ENAH: variants seen among roughly 807,000 people sequenced by gnomAD.
ENAH encodes protein enabled homolog.
Under a neutral mutation model 78.7 loss-of-function variants are expected in ENAH, and 23 were observed. The observed-to-expected ratio is 0.29, with a 90% CI of 0.21 to 0.41. ENAH has a LOEUF of 0.41. Ranked by LOEUF, ENAH falls within the 10% of genes least tolerant of loss-of-function variation. ENAH has a pLI of 1.00. For synonymous variants in ENAH, 226 were observed against 241.0 expected (o/e 0.94, Z 0.58); for missense variants, 544 against 691.0 (o/e 0.79, Z 2.39).
At chr1:225,536,370 A>G (rs2096561475) in intron 3 of ENAH, among the ~76,000 whole-genome samples, 1 of 151,950 alleles carries the variant, frequency 6.6e-6, no homozygotes, top group Non-Finnish European at 1.5e-5. Flanking sequence ...CTCAAAATTG[A>G]GATGAGACAA....
At chr1:225,543,115 C>T (rs934931868) in intron 3 of ENAH, among the ~76,000 whole-genome samples, 6 of 152,134 alleles carry the variant, frequency 3.9e-5, no homozygotes, top group East Asian at 1.9e-4. Flanking sequence ...CAAAAACCCA[C>T]TCTACCATCT....
chr1:225,592,715 T>C (rs536835741), intron 1 of ENAH, among the ~76,000 whole-genome samples: 8 of 152,334 alleles, frequency 5.3e-5, no homozygotes, highest in African/African-American at 1.9e-4. Flanking sequence ...TGCTTAAATA[T>C]AACAACTTGA....
intron 1 of ENAH, among the ~76,000 whole-genome samples, chr1:225,581,564 G>A (rs927032638): frequency 6.6e-6 from 1 of 152,094 alleles, no homozygotes; most frequent in Non-Finnish European, 1.5e-5. Context: ...AAAAACTAAA[G>A]CAGAATACTA....
chr1:225,537,349 A>G (rs1409388839), intron 3 of ENAH, among the ~76,000 whole-genome samples: 1 of 152,194 alleles, frequency 6.6e-6, no homozygotes, highest in Non-Finnish European at 1.5e-5. Flanking sequence ...AACTATTAAC[A>G]TTCTTCACTT....
Position 225,610,865 on chromosome 1 carries a change from C to T in ENAH, c.5+41821G>A, listed in dbSNP as rs182258079. 2.0e-5 allele frequency among the ~76,000 whole-genome samples: 3 copies of T among 152,268 alleles called. No individual in the cohort carries two copies. In the East Asian group the frequency reaches 5.8e-4, roughly 29 times the overall value. Reference sequence around the variant, plus strand: ...ACGACATTATAAGATCCAAAAACTGCAACCAATCCAAATGTCCATCAACCT... The same window carrying T: ...ACGACATTATAAGATCCAAAAACTGTAACCAATCCAAATGTCCATCAACCT... On this transcript the variant is annotated intron_variant, in intron 1 of 13. Transcript: ENST00000366843.
chr1:225,606,608 G>A (rs553496044), intron 1 of ENAH, among the ~76,000 whole-genome samples: 1 of 151,992 alleles, frequency 6.6e-6, no homozygotes, highest in South Asian at 2.1e-4. Context: ...AACACTTTGG[G>A]AGGCCAAGGC....
At chr1:225,555,618 AT>A (rs2096662848) in intron 2 of ENAH, among the ~76,000 whole-genome samples, 1 of 152,010 alleles carries the variant, frequency 6.6e-6, no homozygotes, top group Non-Finnish European at 1.5e-5. Flanking sequence ...ACAAAAAAAA[AT>A]TTTCCTCATT....
intron 1 of ENAH, chr1:225,652,285 G>C (rs1663164502): frequency 1.0e-6 from 1 of 960,246 alleles, no homozygotes; most frequent in Admixed American, 6.2e-5. Flanking sequence ...AGGCAAAAGT[G>C]CATGAAATTT....
intron 4 of ENAH, among the ~76,000 whole-genome samples, chr1:225,526,466 G>A (rs921435204): frequency 1.3e-5 from 2 of 151,826 alleles, no homozygotes; most frequent in South Asian, 4.1e-4. Flanking sequence ...AGCCTCTCAA[G>A]TAGCTGGAAC....
At chr1:225,549,911 A>AT (rs1195393968) in intron 3 of ENAH, among the ~76,000 whole-genome samples, 1 of 152,128 alleles carries the variant, frequency 6.6e-6, no homozygotes, top group Non-Finnish European at 1.5e-5. Context: ...ATTGATCTTC[A>AT]TGCTTGTAAA....
rs1293321679 is a variant in ENAH at position 225,573,513 on chromosome 1, T to C, written c.6-6099A>G. Among the ~76,000 whole-genome samples, 3 of 152,228 alleles carry C rather than the reference T, an allele frequency of 2.0e-5. No individual in the cohort carries two copies. In the East Asian group the frequency reaches 5.8e-4, roughly 29 times the overall value. ...CTCCAAGTGTATACTGGGAAGCCAC[T>C]GAAGGGCTTTAAGCAGAACACGGCC... On this transcript the variant is annotated intron_variant, in intron 1 of 13. Transcript: ENST00000366843.
intron 3 of ENAH, among the ~76,000 whole-genome samples, chr1:225,539,801 T>A (rs2096580608): frequency 6.6e-6 from 1 of 152,220 alleles, no homozygotes; most frequent in Non-Finnish European, 1.5e-5. Context: ...GCATGTGCCT[T>A]CTACTTCTAA....
chr1:225,583,433 CAAAAAAA>C (rs67324652), intron 1 of ENAH, among the ~76,000 whole-genome samples: 2 of 100,548 alleles, frequency 2.0e-5, no homozygotes, highest in East Asian at 5.8e-4. Context: ...GACCCTGTAT[CAAAAAAA>C]AAAAAAAAAA....
chr1:225,523,277 T>G (rs868550233), intron 4 of ENAH, among the ~76,000 whole-genome samples: 1 of 151,634 alleles, frequency 6.6e-6, no homozygotes, highest in Non-Finnish European at 1.5e-5. Flanking sequence ...AGCAATACAA[T>G]GCTTTTAACA....
chr1:225,494,580 AG>A lies in ENAH; in HGVS notation c.*3194del, dbSNP rs1449294934. ...AGGTGGGCAGAGAGAAAATAAGAAGAGGGAACACCCAACAGTTATTTCAAAC... is the reference window on the plus strand; with the variant it reads ...AGGTGGGCAGAGAGAAAATAAGAAGAGGAACACCCAACAGTTATTTCAAAC... On this transcript the variant is annotated 3_prime_UTR_variant, in exon 14 of 14. Coordinates refer to ENST00000366843, the MANE Select transcript of ENAH (RefSeq NM_018212.6). 2.0e-5 allele frequency: 3 copies of A among 152,234 alleles called. No individual in the cohort carries two copies. Among genetic ancestry groups the A allele is most frequent in the African/African-American group, 7.2e-5 (3 of 41,468 alleles). 9.4% of individuals were successfully genotyped at this position (152,234 alleles called of 1,614,324 possible).
intron 3 of ENAH, among the ~76,000 whole-genome samples, chr1:225,546,930 T>A (rs1558791725): frequency 6.6e-6 from 1 of 152,220 alleles, no homozygotes; most frequent in Non-Finnish European, 1.5e-5. Flanking sequence ...GATGCTGAAT[T>A]ACATTTTCAT....
Position 225,555,314 on chromosome 1 carries a change from C to T in ENAH, c.172-231G>A, listed in dbSNP as rs180838714. Among the ~76,000 whole-genome samples, 134 of 152,320 alleles carry T rather than the reference C, an allele frequency of 8.8e-4. 1 individual carries two copies. The highest frequency in any genetic ancestry group is 2.9e-3 in the African/African-American group (119 of 41,574). On this transcript the variant is annotated intron_variant, in intron 2 of 13. Transcript: ENST00000366843. The stretch of plus-strand genomic sequence containing the variant: ...ACAGTAAATCAGCCGGGCACGGTGG[C>T]TCACGCCTGTAATCCCAGCACTTTG...
chr1:225,542,788 A>G (rs2096595865), intron 3 of ENAH, among the ~76,000 whole-genome samples: 1 of 152,176 alleles, frequency 6.6e-6, no homozygotes, highest in Non-Finnish European at 1.5e-5. Context: ...TGGGAGACTG[A>G]GGCAGGACAT....
At chr1:225,524,876 C>G in intron 4 of ENAH, among the ~76,000 whole-genome samples, 1 of 152,010 alleles carries the variant, frequency 6.6e-6, no homozygotes, top group East Asian at 1.9e-4. Flanking sequence ...TGAGTAGGAA[C>G]CAAAAACTAT....
Sources: gnomAD v4.1 joint callset for allele counts (sites outside exome capture counted in the v4.1 genomes callset) on GRCh38, gnomAD v4.1.1 for gene constraint, MANE v1.5 for transcripts, NCBI Gene and HGNC (gene_info 2026-07-23, HGNC 2026-07-21) for gene names.